The following TUSC3 variants were observed in gnomAD, a reference collection of about 807,000 sequenced individuals.
The protein encoded by TUSC3 is dolichyl-diphosphooligosaccharide--protein glycosyltransferase subunit TUSC3.
Under a neutral mutation model 44.8 loss-of-function variants are expected in TUSC3, and 45 were observed. The ratio of observed to expected loss-of-function variants is 1.00; its 90% CI spans 0.79 to 1.29. TUSC3 has a LOEUF of 1.29. TUSC3 is among the 50% of genes most tolerant of loss of function. The pLI is 0.00. For missense variants in TUSC3, 519 were observed against 437.9 expected (o/e 1.19, Z -1.65); for synonymous variants, 212 against 152.9 (o/e 1.39, Z -2.85).
intron 6 of TUSC3, among the ~76,000 whole-genome samples, chr8:15,718,670 A>G (rs1810164353): frequency 6.6e-6 from 1 of 152,240 alleles, no homozygotes; most frequent in Middle Eastern, 3.4e-3. Flanking sequence ...CATACAATTT[A>G]CCATTTTGGT....
At chr8:15,572,994 CACTG>C (rs1347836230) in intron 1 of TUSC3, among the ~76,000 whole-genome samples, 1 of 151,880 alleles carries the variant, frequency 6.6e-6, no homozygotes, top group Non-Finnish European at 1.5e-5. Flanking sequence ...GTGACATAGA[CACTG>C]ACTGAGCACA....
At chr8:15,507,982 C>T (rs1341825033) in intron 2 of TUSC3, among the ~76,000 whole-genome samples, 5 of 152,156 alleles carry the variant, frequency 3.3e-5, no homozygotes, top group Admixed American at 2.6e-4. Context: ...TAGCTCAGGC[C>T]TGTAATCCCA....
Position 15,757,785 on chromosome 8 carries a change from G to A in TUSC3, c.1029-6G>A, listed in dbSNP as rs1226261090. On this transcript the variant is annotated splice_region_variant and splice_polypyrimidine_tract_variant and intron_variant, in intron 9 of 10. Transcript: ENST00000503731. Reference sequence around the variant, plus strand: ...TTGTTGTATTTCATTGTGGTGTATTGGAAAGTGATCTGGACTTTGAGTGAG... The same window carrying A: ...TTGTTGTATTTCATTGTGGTGTATTAGAAAGTGATCTGGACTTTGAGTGAG... 2 of 1,479,246 alleles carry A rather than the reference G, an allele frequency of 1.4e-6. No homozygotes were observed. Among genetic ancestry groups the A allele is most frequent in the Non-Finnish European group, 9.5e-7 (1 of 1,057,530 alleles). The allele number at this position is 1,479,246 out of a possible 1,614,324, so 91.6% of individuals were successfully genotyped here. A position where few individuals can be genotyped will look rare whatever the true frequency, so the allele number is the denominator to read the frequency against.
chr8:15,458,697 C>T (rs538753870), intron 1 of TUSC3, among the ~76,000 whole-genome samples: 3 of 152,278 alleles, frequency 2.0e-5, no homozygotes, highest in African/African-American at 4.8e-5. Context: ...CTCCTCCTCC[C>T]GACTTTTCAA....
rs149353106 is a variant in TUSC3 at position 15,659,003 on chromosome 8, A to G, written c.427-504A>G. On this transcript the variant is annotated intron_variant, in intron 3 of 10. Coordinates refer to ENST00000503731, the MANE Select transcript of TUSC3 (RefSeq NM_006765.4). ...TGTTGGTTTCTCTTTCATAGTCTTC[A>G]TCATTACAAAAAAGTAAAGTCTTTA... Among the ~76,000 whole-genome samples the G allele has an allele frequency of 5.2e-3, 789 of 152,266 alleles. 6 individuals are homozygous for G. Among genetic ancestry groups the G allele is most frequent in the Middle Eastern group, 0.021 (6 of 290 alleles).
chr8:15,801,760 G>C, the TUSC3 span, among the ~76,000 whole-genome samples: 1 of 152,160 alleles, frequency 6.6e-6, no homozygotes, highest in African/African-American at 2.4e-5. Flanking sequence ...AGCTGCAAGA[G>C]AACCTCCTGA....
the TUSC3 span, among the ~76,000 whole-genome samples, chr8:15,851,367 A>G: frequency 6.6e-6 from 1 of 152,226 alleles, no homozygotes; most frequent in South Asian, 2.1e-4. Context: ...TACAATAGGT[A>G]ATTATTTTCC....
At chr8:15,703,029 T>C (rs1310832376) in intron 6 of TUSC3, among the ~76,000 whole-genome samples, 1 of 152,116 alleles carries the variant, frequency 6.6e-6, no homozygotes, top group Non-Finnish European at 1.5e-5. Context: ...AGTGAGGCTA[T>C]CTTCTTATTG....
chr8:15,824,405 G>C, the TUSC3 span, among the ~76,000 whole-genome samples: 1 of 152,082 alleles, frequency 6.6e-6, no homozygotes, highest in African/African-American at 2.4e-5. Flanking sequence ...CTTGGTGCTA[G>C]GACTCTTAAA....
At chr8:15,477,309 C>T (rs1457194944) in intron 1 of TUSC3, among the ~76,000 whole-genome samples, 2 of 152,136 alleles carry the variant, frequency 1.3e-5, no homozygotes, top group African/African-American at 2.4e-5. Context: ...GATAGAGTCT[C>T]AAGAAACTTT....
Position 15,583,599 on chromosome 8 carries a change from G to C in TUSC3, c.139-39481G>C, listed in dbSNP as rs76058749. ...TATATGCATTCAATGTAAGAAAGAA[G>C]AATTTTGAAATATCATTGTTTTGAA... On this transcript the variant is annotated intron_variant, in intron 1 of 10. Transcript: ENST00000503731. Among the ~76,000 whole-genome samples, 542 of 152,238 alleles carry C rather than the reference G, an allele frequency of 3.6e-3. 7 individuals carry two copies. The East Asian group carries it at 0.038, about 11-fold the overall frequency.
chr8:15,699,543 G>A (rs747606178), intron 6 of TUSC3, among the ~76,000 whole-genome samples: 13 of 152,116 alleles, frequency 8.5e-5, no homozygotes, highest in Non-Finnish European at 1.9e-4. Flanking sequence ...AAAAAATGCT[G>A]TTTGCTCCAG....
the TUSC3 span, among the ~76,000 whole-genome samples, chr8:15,849,637 T>C: frequency 6.6e-6 from 1 of 152,240 alleles, no homozygotes; most frequent in African/African-American, 2.4e-5. Flanking sequence ...TCAGCCTCCC[T>C]CTCACACTAG....
intron 10 of TUSC3, among the ~76,000 whole-genome samples, chr8:15,763,494 A>G (rs1230491235): frequency 1.3e-5 from 2 of 151,764 alleles, no homozygotes; most frequent in Non-Finnish European, 2.9e-5. Flanking sequence ...GTTGCCTTGC[A>G]AAGTTGTCTT....
intron 6 of TUSC3, among the ~76,000 whole-genome samples, chr8:15,704,557 C>T (rs945013634): frequency 6.6e-6 from 1 of 152,084 alleles, no homozygotes; most frequent in Non-Finnish European, 1.5e-5. Context: ...TCTTTGTTCT[C>T]GTTCGGTTTA....
intron 2 of TUSC3, among the ~76,000 whole-genome samples, chr8:15,628,191 G>A (rs1313664619): frequency 6.6e-6 from 1 of 152,026 alleles, no homozygotes; most frequent in Admixed American, 6.5e-5. Flanking sequence ...CACTAGTATA[G>A]TGAAGAAATA....
At chr8:15,755,737 GA>G (rs551082933) in intron 9 of TUSC3, among the ~76,000 whole-genome samples, 31 of 146,354 alleles carry the variant, frequency 2.1e-4, no homozygotes, top group East Asian at 7.9e-4. Context: ...CTTAAAAAAA[GA>G]AAAAAAAAAG....
At chr8:15,562,839 A>G (rs1802529419) in intron 1 of TUSC3, among the ~76,000 whole-genome samples, 1 of 152,132 alleles carries the variant, frequency 6.6e-6, no homozygotes, top group Non-Finnish European at 1.5e-5. Context: ...TTCTTTTAAA[A>G]TGTTTTCCTG....
chr8:15,681,649 AT>A, intron 6 of TUSC3, among the ~76,000 whole-genome samples: 1 of 146,410 alleles, frequency 6.8e-6, no homozygotes, highest in Non-Finnish European at 1.5e-5. Context: ...CTTTATATGG[AT>A]TTCTGGGCTT....
Sources: gnomAD v4.1 joint callset for allele counts (sites outside exome capture counted in the v4.1 genomes callset) on GRCh38, gnomAD v4.1.1 for gene constraint, MANE v1.5 for transcripts, NCBI Gene and HGNC (gene_info 2026-07-23, HGNC 2026-07-21) for gene names.